The following CPNE4 variants were observed in gnomAD, a reference collection of about 807,000 sequenced individuals.
CPNE4 encodes copine 4, also known as copine-4.
CPNE4 carries 25 observed loss-of-function variants against 67.9 expected under a neutral mutation model. That is an observed-to-expected ratio of 0.37 (90% CI 0.27 to 0.51). CPNE4 has a LOEUF of 0.51. CPNE4 is among the 20% of genes least tolerant of loss of function. The probability of loss-of-function intolerance (pLI) is 0.93; values close to 1 mark genes in which losing one functional copy is unlikely to be tolerated. For synonymous variants in CPNE4, 242 were observed against 244.9 expected, an observed-to-expected ratio of 0.99 and a Z score of 0.11; for missense variants, 464 against 690.8, an observed-to-expected ratio of 0.67 and a Z score of 3.68.
intron 1 of CPNE4, among the ~76,000 whole-genome samples, chr3:132,029,487 C>T (rs1305237164): frequency 6.6e-6 from 1 of 152,162 alleles, no homozygotes; most frequent in African/African-American, 2.4e-5. Context: ...TAGCGATTGT[C>T]CATTCCAATG....
chr3:131,535,119 A>G lies in CPNE4; in HGVS notation c.*76T>C. 1 of 1,413,234 alleles carries G rather than the reference A, an allele frequency of 7.1e-7. No homozygotes were observed. The highest frequency in any genetic ancestry group is 9.6e-7 in the Non-Finnish European group (1 of 1,047,030). The allele number at this position is 1,413,234 out of a possible 1,614,324, so 87.5% of individuals were successfully genotyped here. On this transcript the variant is annotated 3_prime_UTR_variant, in exon 16 of 16. Transcript: ENST00000429747. ...ATATGTTGTTGGTTTTTTAAAGTAC[A>G]GGAGTAGTAGAAGTATTAAATATGA...
intron 2 of CPNE4, among the ~76,000 whole-genome samples, chr3:131,754,526 C>G (rs892776126): frequency 6.6e-6 from 1 of 152,010 alleles, no homozygotes; most frequent in Admixed American, 6.6e-5. Context: ...TATAGATATA[C>G]TATCTCTCAA....
intron 2 of CPNE4, among the ~76,000 whole-genome samples, chr3:131,801,840 G>A (rs1010021535): frequency 3.8e-5 from 5 of 133,162 alleles, no homozygotes; most frequent in African/African-American, 1.4e-4. Flanking sequence ...TAGTGGCAAT[G>A]CCTCCAAGCC....
At chr3:131,536,276 T>C (rs1475909759) in intron 15 of CPNE4, among the ~76,000 whole-genome samples, 2 of 152,206 alleles carry the variant, frequency 1.3e-5, no homozygotes, top group Non-Finnish European at 2.9e-5. Flanking sequence ...ATGTGATTTA[T>C]GGTGATGATT....
At chr3:131,779,722 C>T (rs981417280) in intron 2 of CPNE4, among the ~76,000 whole-genome samples, 3 of 151,894 alleles carry the variant, frequency 2.0e-5, no homozygotes, top group Middle Eastern at 3.4e-3. Flanking sequence ...AATCTAAAAC[C>T]ATAAAAGCCC....
intron 2 of CPNE4, among the ~76,000 whole-genome samples, chr3:131,883,581 C>T (rs991109960): frequency 3.3e-5 from 5 of 152,174 alleles, no homozygotes; most frequent in African/African-American, 1.2e-4. Context: ...GGAATAAAAC[C>T]CCAAACACTT....
intron 1 of CPNE4, among the ~76,000 whole-genome samples, chr3:132,006,271 T>A (rs1476268522): frequency 1.3e-5 from 2 of 152,092 alleles, no homozygotes; most frequent in Admixed American, 6.6e-5. Flanking sequence ...CACACCACCA[T>A]GGGCCATAGG....
intron 1 of CPNE4, among the ~76,000 whole-genome samples, chr3:131,963,779 G>A (rs9868921): frequency 6.6e-6 from 1 of 151,854 alleles, no homozygotes; most frequent in Admixed American, 6.5e-5. Flanking sequence ...GGACAGAGCA[G>A]CTGGGGGAAG....
chr3:131,638,802 C>A (rs1179698789), intron 7 of CPNE4, among the ~76,000 whole-genome samples: 1 of 152,018 alleles, frequency 6.6e-6, no homozygotes, highest in African/African-American at 2.4e-5. Flanking sequence ...TTAAGAAAAT[C>A]AAAATTATAT....
At chr3:131,900,090 G>A (rs1473973077) in intron 2 of CPNE4, among the ~76,000 whole-genome samples, 1 of 151,930 alleles carries the variant, frequency 6.6e-6, no homozygotes, top group Admixed American at 6.6e-5. Flanking sequence ...GAAAAACAGT[G>A]GAGGGATCGG....
intron 1 of CPNE4, among the ~76,000 whole-genome samples, chr3:132,024,014 A>C (rs2074061297): frequency 6.6e-6 from 1 of 151,942 alleles, no homozygotes; most frequent in Non-Finnish European, 1.5e-5. Flanking sequence ...GCTTTGTTTT[A>C]ATTTATAATA....
At chr3:131,932,936 G>A (rs534897278) in intron 1 of CPNE4, among the ~76,000 whole-genome samples, 19 of 152,212 alleles carry the variant, frequency 1.2e-4, no homozygotes, top group African/African-American at 3.9e-4. Flanking sequence ...CAGAAGGATC[G>A]CTTGAACCTG....
chr3:131,908,836 G>T (rs1966947), intron 1 of CPNE4, among the ~76,000 whole-genome samples: 23,155 of 151,996 alleles, frequency 0.15, 2,366 homozygotes, highest in African/African-American at 0.29. Flanking sequence ...CTTGGGCAGG[G>T]TATTTAACGT....
chr3:131,855,064 G>T (rs887876146), intron 2 of CPNE4, among the ~76,000 whole-genome samples: 1 of 151,944 alleles, frequency 6.6e-6, no homozygotes, highest in African/African-American at 2.4e-5. Flanking sequence ...AGATTCAAGA[G>T]AAAGTATAAT....
At chr3:131,763,515 C>T (rs1172414578) in intron 2 of CPNE4, among the ~76,000 whole-genome samples, 1 of 152,072 alleles carries the variant, frequency 6.6e-6, no homozygotes, top group Non-Finnish European at 1.5e-5. Flanking sequence ...GGCTAATGTT[C>T]CCTGGCATAG....
At chr3:132,008,444 T>G (rs556787719) in intron 1 of CPNE4, among the ~76,000 whole-genome samples, 1 of 152,312 alleles carries the variant, frequency 6.6e-6, no homozygotes, top group African/African-American at 2.4e-5. Flanking sequence ...TAGCTATTAT[T>G]CCTATTTTAA....
chr3:131,891,526 T>C (rs1183770315), intron 2 of CPNE4, among the ~76,000 whole-genome samples: 3 of 151,948 alleles, frequency 2.0e-5, no homozygotes, highest in Non-Finnish European at 2.9e-5. Flanking sequence ...CACCCAGGTA[T>C]TAAGCCTAGT....
intron 10 of CPNE4, among the ~76,000 whole-genome samples, chr3:131,570,307 TTTTATTTATTTA>T (rs3033368): frequency 2.0e-5 from 3 of 149,814 alleles, no homozygotes; most frequent in African/African-American, 5.0e-5. Context: ...CATTTTCTCT[TTTTATTTATTTA>T]TTTATTTATT....
intron 2 of CPNE4, among the ~76,000 whole-genome samples, chr3:131,792,295 T>C (rs1313188476): frequency 6.6e-6 from 1 of 152,052 alleles, no homozygotes; most frequent in Non-Finnish European, 1.5e-5. Context: ...CTTTTCATTT[T>C]CAGGAAAGAT....
Sources: allele counts gnomAD v4.1 joint callset (sites outside exome capture counted in the v4.1 genomes callset), GRCh38; gene constraint gnomAD v4.1.1; transcripts MANE v1.5; gene names NCBI Gene and HGNC (gene_info 2026-07-23, HGNC 2026-07-21).